CERCAM: variants seen among roughly 807,000 people sequenced by gnomAD.
The protein encoded by CERCAM is cerebral endothelial cell adhesion molecule.
A neutral mutation model predicts 66.0 loss-of-function variants in CERCAM; 59 were observed. The observed-to-expected ratio is 0.89, with a 90% CI of 0.73 to 1.11. The LOEUF (loss-of-function observed/expected upper bound fraction) is 1.11. Among genes scored for constraint, CERCAM ranks in the 50% most tolerant of loss-of-function variants. The pLI is 0.00. For missense variants in CERCAM, 840 were observed against 828.3 expected (o/e 1.01, Z -0.17); for synonymous variants, 318 against 343.6 (o/e 0.93, Z 0.83).
At position 128,422,627 on chromosome 9, in the gene CERCAM, T is replaced by C. The variant is rs1215528256; in HGVS notation, c.198-241T>C. On this transcript the variant is annotated intron_variant, in intron 1 of 12. Coordinates refer to ENST00000372838, the MANE Select transcript of CERCAM (RefSeq NM_016174.5). ...CATGACATAAGCAGGACAGCTTAAG[T>C]TATAGAGGGAGGACGTGAAGCCCAG... is the stretch of plus-strand genomic sequence containing the variant. The C allele has an allele frequency of 7.8e-6, 4 of 513,130 alleles. No individual in the cohort carries two copies. In the Admixed American group the frequency reaches 1.3e-4, roughly 16 times the overall value. 31.8% of individuals were successfully genotyped at this position (513,130 alleles called of 1,614,324 possible). A position where few individuals can be genotyped will look rare whatever the true frequency, so the allele number is the denominator to read the frequency against.
At chr9:128,428,274 G>A (rs1360084620) in intron 5 of CERCAM, 28 bp from the exon 6 acceptor site, 2 of 1,611,450 alleles carry the variant, frequency 1.2e-6, no homozygotes. Flanking sequence ...ACCCTCCACT[G>A]CAGCTCTCAC....
intron 5 of CERCAM, 119 bp from the exon 6 acceptor site, chr9:128,428,183 A>T: frequency 1.6e-6 from 2 of 1,212,210 alleles, no homozygotes; most frequent in Non-Finnish European, 2.3e-6. Flanking sequence ...AGGTGGGGAA[A>T]CTGAGTCCCA....
intron 12 of CERCAM, among the ~76,000 whole-genome samples, chr9:128,436,502 C>A (rs1272677616): frequency 6.6e-6 from 1 of 152,304 alleles, no homozygotes; most frequent in Non-Finnish European, 1.5e-5. Context: ...CCCGCCTCAG[C>A]TTCCCAATGT....
At chr9:128,429,156 C>T in intron 8 of CERCAM, 120 bp downstream of exon 8, 2 of 695,010 alleles carry the variant, frequency 2.9e-6, no homozygotes, top group African/African-American at 3.6e-5. Flanking sequence ...CATGTAGTAT[C>T]CAAATAGGGT....
At chr9:128,436,652 A>G (rs1834121262) in intron 12 of CERCAM, among the ~76,000 whole-genome samples, 197 bp from the exon 13 acceptor site, 1 of 152,094 alleles carries the variant, frequency 6.6e-6, no homozygotes, top group Admixed American at 6.6e-5. Context: ...AGTGCTGGGG[A>G]TTACAGGCGT....
Position 128,434,007 on chromosome 9 carries a change from C to A in CERCAM, c.1204-95C>A. 2.0e-6 allele frequency: 3 copies of A among 1,527,400 alleles called. No individual in the cohort carries two copies. Among genetic ancestry groups the A allele is most frequent in the Non-Finnish European group, 1.8e-6 (2 of 1,129,970 alleles). The allele number at this position is 1,527,400 out of a possible 1,614,324, so 94.6% of individuals were successfully genotyped here. A position where few individuals can be genotyped will look rare whatever the true frequency, so the allele number is the denominator to read the frequency against. On this transcript the variant is annotated intron_variant, in intron 9 of 12. Coordinates refer to ENST00000372838, the MANE Select transcript of CERCAM (RefSeq NM_016174.5). The surrounding 1 kb of genome is among the most constrained non-coding windows in gnomAD (Gnocchi z 4.5). ...GGGCAACTGCATGATGTGGCCAGGC[C>A]AACTGAGGCCAGGCAGAGGCTGTGA...
At chr9:128,429,058 G>A (rs376068719) in intron 8 of CERCAM, 22 bp downstream of exon 8, 16 of 1,551,420 alleles carry the variant, frequency 1.0e-5, no homozygotes, top group South Asian at 2.4e-5. Context: ...TGGTGGGGGG[G>A]GCCCTGTGCG....
In CERCAM at chr9:128,429,051, TG is replaced by T. The variant is rs3217090; in HGVS notation, c.1070+23del. The T allele has an allele frequency of 1.3e-4, 199 of 1,565,658 alleles. 4 individuals carry two copies. The highest frequency in any genetic ancestry group is 4.3e-4 in the East Asian group (19 of 44,282). On this transcript the variant is annotated intron_variant, in intron 8 of 12. Transcript: ENST00000372838. ...GTGGATGGCTGGTGAGCCTGCCTGGTGGGGGGGGCCCTGTGCGCTTGGGGAA... is the reference window on the plus strand; with the variant it reads ...GTGGATGGCTGGTGAGCCTGCCTGGTGGGGGGGCCCTGTGCGCTTGGGGAA...
In CERCAM at chr9:128,431,192, C is replaced by G; in HGVS notation, c.1092C>G (p.Ile364Met). 6.2e-7 allele frequency: 1 copy of G among 1,613,974 alleles called. No individual in the cohort carries two copies. The highest frequency in any genetic ancestry group is 8.5e-7 in the Non-Finnish European group (1 of 1,180,034). The stretch of plus-strand genomic sequence containing the variant: ...TCAGGATGCTCAACAGCAGTGCCAT[C>G]AGGAACCTCGGCGTAGACCTGCTCC... ...VDGWMLNSSA[I>M]RNLGVDLLPG... Residue 364 changes from isoleucine (I) to methionine (M), a missense_variant, in exon 9 of 13, where the codon ATC (isoleucine) becomes ATG (methionine). By Grantham distance (10) the Ile-to-Met change is conservative (BLOSUM62 1). Coordinates refer to ENST00000372838, the MANE Select transcript of CERCAM (RefSeq NM_016174.5).
chr9:128,432,023 TTTTG>T (rs1244598172), intron 9 of CERCAM: 1 of 152,412 alleles, frequency 6.6e-6, no homozygotes, highest in African/African-American at 2.4e-5. Context: ...CATTATGGGT[TTTTG>T]TTTTGTTTTG....
Position 128,431,209 on chromosome 9 carries a change from A to T in CERCAM, c.1109A>T (p.Asp370Val), listed in dbSNP as rs763899324. ...AGTGCCATCAGGAACCTCGGCGTAGACCTGCTCCCGGGCTACCAGGACCCT... is the reference window on the plus strand; with the variant it reads ...AGTGCCATCAGGAACCTCGGCGTAGTCCTGCTCCCGGGCTACCAGGACCCT... ...NSSAIRNLGVDLLPGYQDPYS... is the reference protein window; with the variant it reads ...NSSAIRNLGVVLLPGYQDPYS... The change falls in exon 9 of 13, where the codon GAC becomes GTC. Residue 370 changes from aspartate to valine, a missense_variant. By Grantham distance (152) the Asp-to-Val change is radical. Coordinates refer to ENST00000372838, the MANE Select transcript of CERCAM (RefSeq NM_016174.5). 6.2e-7 allele frequency: 1 copy of T among 1,613,994 alleles called. No homozygotes were observed. Among genetic ancestry groups the T allele is most frequent in the Non-Finnish European group, 8.5e-7 (1 of 1,179,994 alleles).
At chr9:128,431,124 G>A (rs1392803345) in intron 8 of CERCAM, 47 bp from the exon 9 acceptor site, 4 of 1,603,384 alleles carry the variant, frequency 2.5e-6, no homozygotes, top group Non-Finnish European at 3.4e-6. Flanking sequence ...CCCTCTGGAG[G>A]GGTCTCTGGC....
intron 4 of CERCAM, 36 bp from the exon 5 acceptor site, chr9:128,424,371 GGGA>G: frequency 6.2e-7 from 1 of 1,612,806 alleles, no homozygotes; most frequent in Non-Finnish European, 8.5e-7. Flanking sequence ...GCAGGGGCAG[GGGA>G]GCCCTCTCAC....
chr9:128,434,201 G>A lies in CERCAM; in HGVS notation c.1303G>A (p.Glu435Lys), dbSNP rs71497697. 1 of 1,614,130 alleles carries A rather than the reference G, an allele frequency of 6.2e-7. No individual in the cohort carries two copies. The highest frequency in any genetic ancestry group is 8.5e-7 in the Non-Finnish European group (1 of 1,180,016). ...GCTGGAGCGGCTGATGGAGGATGTGGAGGCAGAGAAACTGTCTTGGGACCT... is the reference window on the plus strand; with the variant it reads ...GCTGGAGCGGCTGATGGAGGATGTGAAGGCAGAGAAACTGTCTTGGGACCT... ...GRLERLMEDV[E>K]AEKLSWDLIY... The change falls in exon 10 of 13, where the codon GAG (glutamate) becomes AAG (lysine). Residue 435 changes from glutamate to lysine, a missense_variant. Transcript: ENST00000372838. This position sits in a 1 kb window ranked among gnomAD's most constrained non-coding sequence, Gnocchi z 4.5.
chr9:128,420,678 C>G (rs1334891723), upstream of CERCAM: 1 of 234,640 alleles, frequency 4.3e-6, no homozygotes, highest in Admixed American at 5.7e-5. The surrounding 1 kb of genome is among the most constrained non-coding windows in gnomAD (Gnocchi z 5.0). Context: ...TCCCCGGGCC[C>G]TGGCCCTCCG....
At chr9:128,429,346 A>G (rs915003946) in intron 8 of CERCAM, among the ~76,000 whole-genome samples, 2 of 152,150 alleles carry the variant, frequency 1.3e-5, no homozygotes, top group African/African-American at 4.8e-5. Flanking sequence ...CCGTTTGTAT[A>G]AACAGCAGAT....
intron 9 of CERCAM, chr9:128,432,040 T>G (rs1313326923): frequency 1.3e-5 from 2 of 152,506 alleles, no homozygotes; most frequent in Non-Finnish European, 2.9e-5. Flanking sequence ...TTGTTTTGTT[T>G]TCTGAGATGG....
chr9:128,435,602 G>A lies in CERCAM; in HGVS notation c.1536-51G>A, dbSNP rs201659022. ...CCTGGCTCCGGGCAGGCATGTGTCC[G>A]GGGAGTAGGGGCCCGCCTCAATCCC... On this transcript the variant is annotated intron_variant, in intron 11 of 12. Transcript: ENST00000372838. The A allele has an allele frequency of 1.2e-3, 1,879 of 1,537,850 alleles. 5 individuals carry two copies. Among genetic ancestry groups the A allele is most frequent in the South Asian group, 2.7e-3 (215 of 79,068 alleles).
intron 8 of CERCAM, 87 bp downstream of exon 8, chr9:128,429,123 C>T (rs1833918121): frequency 1.0e-6 from 1 of 974,742 alleles, no homozygotes; most frequent in South Asian, 1.6e-5. Flanking sequence ...GAAAAGCAGA[C>T]AGGTTGAATG....
Sources: gnomAD v4.1 joint callset for allele counts (sites outside exome capture counted in the v4.1 genomes callset) on GRCh38, gnomAD v4.1.1 for gene constraint, Gnocchi (gnomAD v3.1) non-coding constraint, MANE v1.5 for transcripts, NCBI Gene and HGNC (gene_info 2026-07-23, HGNC 2026-07-21) for gene names.